ARID1B: variants seen among roughly 807,000 people sequenced by gnomAD.
ARID1B encodes AT-rich interaction domain 1B.
A neutral mutation model predicts 212.3 loss-of-function variants in ARID1B; 30 were observed. The observed-to-expected ratio is 0.14, with a 90% CI of 0.11 to 0.19. ARID1B has a LOEUF of 0.19. ARID1B is among the 10% of genes least tolerant of loss of function. The probability of loss-of-function intolerance (pLI) is 1.00; values close to 1 mark genes in which losing one functional copy is unlikely to be tolerated. For missense variants in ARID1B, 2,891 were observed against 3,204.0 expected (o/e 0.90, Z 2.36); for synonymous variants, 1,402 against 1,301.7 (o/e 1.08, Z -1.66).
At chr6:156,812,975 T>TATATACATAC (rs1159448637) in intron 1 of ARID1B, among the ~76,000 whole-genome samples, 1,459 of 102,958 alleles carry the variant, frequency 0.014, 12 homozygotes, top group East Asian at 0.058. Context: ...TGTGTGTGTG[T>TATATACATAC]GTATGTATAT....
intron 2 of ARID1B, among the ~76,000 whole-genome samples, chr6:156,829,989 T>C (rs1783032843): frequency 6.6e-6 from 1 of 152,234 alleles, no homozygotes; most frequent in Non-Finnish European, 1.5e-5. Flanking sequence ...ATGGGTTTTG[T>C]GTTTTTACTT....
At chr6:156,888,781 G>T (rs1242668600) in intron 2 of ARID1B, among the ~76,000 whole-genome samples, 3 of 152,098 alleles carry the variant, frequency 2.0e-5, no homozygotes, top group Non-Finnish European at 4.4e-5. Context: ...TACCTCCTGA[G>T]CCCTTCATTT....
At chr6:156,816,748 AAGAGG>A (rs1781992376) in intron 1 of ARID1B, among the ~76,000 whole-genome samples, 2 of 152,142 alleles carry the variant, frequency 1.3e-5, no homozygotes, top group South Asian at 4.2e-4. Context: ...GGTGGTGCAT[AAGAGG>A]GCTGTCCAGG....
chr6:157,147,866 C>G (rs1442727412), intron 7 of ARID1B, among the ~76,000 whole-genome samples: 15 of 80,640 alleles, frequency 1.9e-4, no homozygotes, highest in Non-Finnish European at 3.4e-4. Context: ...CCCTCACCCC[C>G]TTCTCCGACC....
At chr6:156,832,911 C>T (rs1783243004) in intron 2 of ARID1B, among the ~76,000 whole-genome samples, 2 of 151,312 alleles carry the variant, frequency 1.3e-5, no homozygotes, top group Non-Finnish European at 3.0e-5. Context: ...TCATTTTAGT[C>T]TTTATTAACT....
At chr6:157,186,856 A>G (rs1793011042) in intron 13 of ARID1B, among the ~76,000 whole-genome samples, 1 of 152,168 alleles carries the variant, frequency 6.6e-6, no homozygotes, top group African/African-American at 2.4e-5. Context: ...TTCTAAGAGC[A>G]CTCTAAGTCA....
chr6:156,868,899 A>T lies in ARID1B; in HGVS notation c.1987-32477A>T, dbSNP rs1310590205. ...ACGGTACTTTGTTTTGCTAATGTGAAAGAAGAATTCAGCAAGATCATTACA... is the reference window on the plus strand; with the variant it reads ...ACGGTACTTTGTTTTGCTAATGTGATAGAAGAATTCAGCAAGATCATTACA... On this transcript the variant is annotated intron_variant, in intron 2 of 19. Coordinates refer to ENST00000636930, the MANE Select transcript of ARID1B (RefSeq NM_001374828.1). Among the ~76,000 whole-genome samples the T allele has an allele frequency of 6.6e-5, 10 of 152,356 alleles. No individual in the cohort carries two copies. The South Asian group carries it at 2.1e-3, about 32-fold the overall frequency.
intron 2 of ARID1B, among the ~76,000 whole-genome samples, chr6:156,839,696 G>A (rs1227129515): frequency 6.6e-6 from 1 of 152,166 alleles, no homozygotes; most frequent in Admixed American, 6.5e-5. Context: ...ATGTATCACA[G>A]CACACTTCCA....
At chr6:157,197,611 T>C (rs1395836092) in intron 16 of ARID1B, among the ~76,000 whole-genome samples, 1 of 152,244 alleles carries the variant, frequency 6.6e-6, no homozygotes, top group Non-Finnish European at 1.5e-5. Context: ...TTACTTGTGA[T>C]ATATTCGTTA....
intron 4 of ARID1B, among the ~76,000 whole-genome samples, chr6:157,083,316 G>A (rs1276937635): frequency 6.6e-6 from 1 of 152,156 alleles, no homozygotes; most frequent in Non-Finnish European, 1.5e-5. Flanking sequence ...CAGTTATCAG[G>A]ACAAGTATCT....
At chr6:156,953,676 A>C (rs1165163257) in intron 4 of ARID1B, among the ~76,000 whole-genome samples, 1 of 152,098 alleles carries the variant, frequency 6.6e-6, no homozygotes. Flanking sequence ...TCATCAGCTG[A>C]CACTGCTTGG....
chr6:157,029,764 G>A (rs2128492497), intron 4 of ARID1B, among the ~76,000 whole-genome samples: 1 of 152,326 alleles, frequency 6.6e-6, no homozygotes, highest in South Asian at 2.1e-4. Context: ...AAGAGCAGCG[G>A]GTGGCAGGAC....
At chr6:156,856,787 A>G (rs1266643389) in intron 2 of ARID1B, among the ~76,000 whole-genome samples, 3 of 37,452 alleles carry the variant, frequency 8.0e-5, no homozygotes, top group Non-Finnish European at 1.9e-4. Context: ...GTAAATCTCA[A>G]TGCTGAAAAA....
intron 1 of ARID1B, among the ~76,000 whole-genome samples, chr6:156,816,954 C>G (rs1021890189): frequency 6.6e-6 from 1 of 152,036 alleles, no homozygotes; most frequent in Admixed American, 6.5e-5. Flanking sequence ...AGAAGTGTCT[C>G]TAACAGTCCA....
Position 157,200,964 on chromosome 6 carries a change from G to C in ARID1B, c.4739G>C (p.Ser1580Thr), listed in dbSNP as rs1305457851. 1.9e-6 allele frequency: 3 copies of C among 1,614,120 alleles called. No individual in the cohort carries two copies. The highest frequency in any genetic ancestry group is 2.5e-6 in the Non-Finnish European group (3 of 1,180,008). ...GGCGGCCCGCTGCAGTCGTCCTCCA[G>C]TGAGGGGCCTCAGCAGAATATGTGG... is the stretch of plus-strand genomic sequence containing the variant. ...MMGGPLQSSS[S>T]EGPQQNMWAA... The change falls in exon 18 of 20, where the codon AGT (serine) becomes ACT (threonine). Residue 1580 changes from serine to threonine, a missense_variant. Physicochemically the swap from Ser to Thr is moderately conservative, Grantham distance 58. Coordinates refer to ENST00000636930, the MANE Select transcript of ARID1B (RefSeq NM_001374828.1). The surrounding 1 kb of genome is among the most constrained non-coding windows in gnomAD (Gnocchi z 4.3).
chr6:156,871,000 G>A (rs1394380609), intron 2 of ARID1B, among the ~76,000 whole-genome samples: 3 of 152,280 alleles, frequency 2.0e-5, no homozygotes, highest in Non-Finnish European at 2.9e-5. Flanking sequence ...TATCTAGAAC[G>A]TTTGGATTTC....
intron 1 of ARID1B, among the ~76,000 whole-genome samples, chr6:156,815,400 C>A (rs1781894613): frequency 6.6e-6 from 1 of 152,164 alleles, no homozygotes; most frequent in Admixed American, 6.5e-5. Flanking sequence ...GTGTAATTAG[C>A]ATGAAACACT....
At chr6:157,125,111 G>C (rs567329365) in intron 6 of ARID1B, among the ~76,000 whole-genome samples, 1 of 152,308 alleles carries the variant, frequency 6.6e-6, no homozygotes, top group East Asian at 1.9e-4. Flanking sequence ...CGTGTGCTGG[G>C]CTAAGTTTGG....
At chr6:156,787,504 T>C (rs571323704) in intron 1 of ARID1B, among the ~76,000 whole-genome samples, 2 of 152,372 alleles carry the variant, frequency 1.3e-5, no homozygotes, top group East Asian at 3.9e-4. Flanking sequence ...ATTTAGAAGC[T>C]GGCGTCTAAT....
Sources: allele counts gnomAD v4.1 joint callset (sites outside exome capture counted in the v4.1 genomes callset), GRCh38; gene constraint gnomAD v4.1.1; non-coding constraint Gnocchi (gnomAD v3.1); transcripts MANE v1.5; gene names NCBI Gene and HGNC (gene_info 2026-07-23, HGNC 2026-07-21).